MYO16: variants seen among roughly 807,000 people sequenced by gnomAD.
MYO16 encodes the protein unconventional myosin-XVI.
Under a neutral mutation model 205.3 loss-of-function variants are expected in MYO16, and 94 were observed. The ratio of observed to expected loss-of-function variants is 0.46; its 90% confidence interval spans 0.39 to 0.54. The LOEUF (loss-of-function observed/expected upper bound fraction) is 0.54. MYO16 is among the 20% of genes least tolerant of loss of function. The probability of loss-of-function intolerance (pLI) is 0.00; values close to 1 mark genes in which losing one functional copy is unlikely to be tolerated. For synonymous variants in MYO16, 988 were observed against 954.0 expected, an observed-to-expected ratio of 1.04 and a Z score of -0.66; for missense variants, 2,315 against 2,387.5, an observed-to-expected ratio of 0.97 and a Z score of 0.63.
At chr13:108,703,600 CCTT>C (rs1463823311) in intron 2 of MYO16, among the ~76,000 whole-genome samples, 1 of 152,154 alleles carries the variant, frequency 6.6e-6, no homozygotes, top group Non-Finnish European at 1.5e-5. Context: ...GCAGAACACT[CCTT>C]CTTCTGAAGG....
At chr13:108,986,448 C>T (rs1227343264) in intron 20 of MYO16, among the ~76,000 whole-genome samples, 2 of 151,702 alleles carry the variant, frequency 1.3e-5, no homozygotes, top group Non-Finnish European at 2.9e-5. Context: ...CATGGAGAAA[C>T]TCTGTCTCTA....
chr13:108,712,317 C>T (rs888718976), intron 2 of MYO16, among the ~76,000 whole-genome samples: 16 of 152,142 alleles, frequency 1.1e-4, no homozygotes, highest in African/African-American at 3.9e-4. Flanking sequence ...ACCTAATGCC[C>T]GTGTGAACCT....
At chr13:109,014,877 G>T (rs1157736384) in intron 22 of MYO16, among the ~76,000 whole-genome samples, 1 of 152,152 alleles carries the variant, frequency 6.6e-6, no homozygotes, top group Non-Finnish European at 1.5e-5. Context: ...AGATGATGGG[G>T]TTTTCAAATA....
At chr13:108,942,154 T>C (rs1428447525) in intron 16 of MYO16, among the ~76,000 whole-genome samples, 1 of 152,224 alleles carries the variant, frequency 6.6e-6, no homozygotes, top group Non-Finnish European at 1.5e-5. Context: ...GTGCTTCATT[T>C]AACTCTTCTG....
intron 16 of MYO16, among the ~76,000 whole-genome samples, chr13:108,919,165 T>G (rs546258002): frequency 6.6e-6 from 1 of 152,256 alleles, no homozygotes; most frequent in South Asian, 2.1e-4. Flanking sequence ...AAAAAAGAGG[T>G]GCCACGAGCA....
chr13:108,966,052 C>A (rs1883781353), intron 20 of MYO16, among the ~76,000 whole-genome samples: 1 of 152,110 alleles, frequency 6.6e-6, no homozygotes, highest in African/African-American at 2.4e-5. Flanking sequence ...CAAGAGGACA[C>A]TGAAATTCTT....
chr13:108,606,215 A>C (rs1878952721), intron 1 of MYO16, among the ~76,000 whole-genome samples: 1 of 152,232 alleles, frequency 6.6e-6, no homozygotes, highest in Non-Finnish European at 1.5e-5. Context: ...AGAGAAATTC[A>C]AGTCTTCTGC....
intron 22 of MYO16, among the ~76,000 whole-genome samples, chr13:109,017,898 A>T (rs111472743): frequency 6.6e-6 from 1 of 151,906 alleles, no homozygotes; most frequent in Non-Finnish European, 1.5e-5. Flanking sequence ...CTTCTTTGTG[A>T]TGGGTTTGAA....
chr13:109,121,790 C>G (rs181638780), intron 29 of MYO16, among the ~76,000 whole-genome samples: 1 of 152,198 alleles, frequency 6.6e-6, no homozygotes, highest in Non-Finnish European at 1.5e-5. Context: ...CCACTTTCAC[C>G]AGGCTGAGGC....
At chr13:109,161,717 AT>A (rs1405438059) in intron 32 of MYO16, among the ~76,000 whole-genome samples, 1 of 152,210 alleles carries the variant, frequency 6.6e-6, no homozygotes, top group Non-Finnish European at 1.5e-5. Flanking sequence ...AAAAATTAAA[AT>A]TTAATTATAA....
At chr13:108,499,208 C>T in the MYO16 span, among the ~76,000 whole-genome samples, 148,661 of 152,346 alleles carry the variant, frequency 0.98, 72,630 homozygotes, top group East Asian at 1. Context: ...TCAGACAACG[C>T]AAAATTATAA....
At chr13:108,711,510 C>G (rs1013171411) in intron 2 of MYO16, among the ~76,000 whole-genome samples, 3 of 152,328 alleles carry the variant, frequency 2.0e-5, no homozygotes, top group African/African-American at 7.2e-5. Flanking sequence ...TGACCTGGCT[C>G]ACAGGCGGAG....
At chr13:108,911,064 C>CAGAGAG (rs370120215) in intron 16 of MYO16, among the ~76,000 whole-genome samples, 15 of 135,634 alleles carry the variant, frequency 1.1e-4, no homozygotes, top group South Asian at 5.1e-4. Flanking sequence ...CACACACACA[C>CAGAGAG]ACAGAGAGAG....
At chr13:108,871,476 T>G (rs577465153) in intron 12 of MYO16, among the ~76,000 whole-genome samples, 17 of 152,260 alleles carry the variant, frequency 1.1e-4, no homozygotes, top group Non-Finnish European at 2.2e-4. Context: ...GACATTATCT[T>G]CCTTCCAAGA....
At chr13:109,100,664 C>A in intron 27 of MYO16, 121 bp from the exon 28 acceptor site, 2 of 692,478 alleles carry the variant, frequency 2.9e-6, no homozygotes, top group South Asian at 1.8e-5. Context: ...TTTGGCTGTT[C>A]CTGGGATAAA....
chr13:108,497,835 C>T, the MYO16 span, among the ~76,000 whole-genome samples: 1 of 152,078 alleles, frequency 6.6e-6, no homozygotes, highest in Non-Finnish European at 1.5e-5. Flanking sequence ...AAGTTAGTTG[C>T]CTGTGGATAA....
chr13:108,753,370 C>CAAAAAAAAAAAAAAA (rs534466420), intron 4 of MYO16, among the ~76,000 whole-genome samples: 15 of 111,780 alleles, frequency 1.3e-4, no homozygotes, highest in African/African-American at 5.7e-4. Flanking sequence ...AACTCTGTGA[C>CAAAAAAAAAAAAAAA]AAAAAAAAAA....
chr13:108,604,088 C>T (rs1023207599), intron 1 of MYO16, among the ~76,000 whole-genome samples: 1 of 151,950 alleles, frequency 6.6e-6, no homozygotes, highest in African/African-American at 2.4e-5. Context: ...AGGAAAAGCC[C>T]CTTCTAAAAC....
At position 109,019,861 on chromosome 13, in the gene MYO16, G is replaced by A. The variant is rs1885962720; in HGVS notation, c.2746G>A (p.Ala916Thr). 1 of 1,614,006 alleles carries A rather than the reference G, an allele frequency of 6.2e-7. No individual in the cohort carries two copies. Among genetic ancestry groups the A allele is most frequent in the Admixed American group, 1.7e-5 (1 of 59,988 alleles). ...SPMKDGNGNV[A>T]LKDHGTAFTI... Reference sequence around the variant, plus strand: ...CATGAAGGATGGGAATGGGAATGTTGCCCTCAAAGACCACGGTACAGCCTT... The same window carrying A: ...CATGAAGGATGGGAATGGGAATGTTACCCTCAAAGACCACGGTACAGCCTT... Residue 916 changes from alanine (A) to threonine (T), a missense_variant, in exon 23 of 35, where the codon GCC (alanine) becomes ACC (threonine). Coordinates refer to ENST00000457511, the MANE Select transcript of MYO16 (RefSeq NM_001198950.3).
Sources: gnomAD v4.1 joint callset for allele counts (sites outside exome capture counted in the v4.1 genomes callset) on GRCh38, gnomAD v4.1.1 for gene constraint, MANE v1.5 for transcripts, NCBI Gene and HGNC (gene_info 2026-07-23, HGNC 2026-07-21) for gene names.